Variants in VSTM2L observed in about 807,000 individuals in gnomAD.
VSTM2L encodes the protein V-set and transmembrane domain containing 2 like.
A neutral mutation model predicts 19.9 loss-of-function variants in VSTM2L; 9 were observed. That is an observed-to-expected ratio of 0.45 (90% CI 0.27 to 0.79). VSTM2L has a LOEUF of 0.79. Ranked by LOEUF, VSTM2L falls within the 30% of genes least tolerant of loss-of-function variation. VSTM2L has a pLI of 0.15. For missense variants in VSTM2L, 286 were observed against 295.5 expected, an observed-to-expected ratio of 0.97 and a Z score of 0.24; for synonymous variants, 127 against 133.8, an observed-to-expected ratio of 0.95 and a Z score of 0.35.
chr20:37,931,706 C>G lies in VSTM2L; in HGVS notation c.193C>G (p.Arg65Gly), dbSNP rs746668219. Reference protein sequence around the residue: ...GEDVEMACSFRGSGSPSYSLE... With the variant: ...GEDVEMACSFGGSGSPSYSLE... Reference sequence around the variant, plus strand: ...GGACGTGGAGATGGCCTGCTCCTTCCGCGGCAGCGGCTCCCCCTCCTACTC... The same window carrying G: ...GGACGTGGAGATGGCCTGCTCCTTCGGCGGCAGCGGCTCCCCCTCCTACTC... Residue 65 changes from arginine (R) to glycine (G), a missense_variant, in exon 2 of 4, where the codon CGC becomes GGC. By Grantham distance (125) the Arg-to-Gly change is moderately radical (BLOSUM62 -2). Transcript: ENST00000373461. 1.2e-6 allele frequency: 2 copies of G among 1,613,596 alleles called. No homozygotes were observed. The highest frequency in any genetic ancestry group is 1.3e-5 in the African/African-American group (1 of 74,946).
At chr20:37,935,944 G>C (rs2072937367) in intron 3 of VSTM2L, among the ~76,000 whole-genome samples, 1 of 151,266 alleles carries the variant, frequency 6.6e-6, no homozygotes, top group Non-Finnish European at 1.5e-5. Flanking sequence ...GAGTGCAGTG[G>C]CGAGATCTTG....
intron 1 of VSTM2L, among the ~76,000 whole-genome samples, chr20:37,919,243 C>T (rs2072836860): frequency 6.6e-6 from 1 of 152,232 alleles, no homozygotes; most frequent in South Asian, 2.1e-4. Context: ...TTACAAAATG[C>T]CTTCTTCTTG....
At chr20:37,914,346 C>CGT (rs1568835174) in intron 1 of VSTM2L, among the ~76,000 whole-genome samples, 7 of 1,478 alleles carry the variant, frequency 4.7e-3, no homozygotes, top group African/African-American at 6.1e-3. Context: ...TGTATGTGTG[C>CGT]ATGTGTGTGG....
intron 1 of VSTM2L, among the ~76,000 whole-genome samples, chr20:37,927,707 C>T (rs1030015868): frequency 2.6e-5 from 4 of 152,130 alleles, no homozygotes; most frequent in Non-Finnish European, 4.4e-5. Flanking sequence ...TTGGCAGGGG[C>T]GGGGGGGCCG....
intron 3 of VSTM2L, among the ~76,000 whole-genome samples, chr20:37,934,914 GT>G (rs907641491): frequency 5.1e-4 from 78 of 152,134 alleles, no homozygotes; most frequent in African/African-American, 1.8e-3. Flanking sequence ...CCAGCTCAGG[GT>G]GGCTGTGGGT....
intron 3 of VSTM2L, among the ~76,000 whole-genome samples, chr20:37,941,541 C>T (rs1007510860): frequency 7.2e-5 from 11 of 152,194 alleles, no homozygotes; most frequent in East Asian, 1.9e-4. Flanking sequence ...ATGCAGAGGG[C>T]GCACTTTCTC....
intron 1 of VSTM2L, among the ~76,000 whole-genome samples, chr20:37,907,671 A>C (rs572392021): frequency 6.0e-5 from 9 of 150,152 alleles, no homozygotes; most frequent in Non-Finnish European, 1.0e-4. Context: ...ACACACCCCT[A>C]CACACACACA....
intron 1 of VSTM2L, among the ~76,000 whole-genome samples, chr20:37,930,882 C>T (rs919183598): frequency 6.6e-6 from 1 of 152,176 alleles, no homozygotes; most frequent in Non-Finnish European, 1.5e-5. Flanking sequence ...GTGTCCCTGT[C>T]CTCCTGGAGC....
intron 3 of VSTM2L, among the ~76,000 whole-genome samples, chr20:37,941,455 C>T (rs2072971414): frequency 7.3e-6 from 1 of 136,988 alleles, no homozygotes; most frequent in East Asian, 2.7e-4. Context: ...GAGCCCTCCC[C>T]AGGGCAGATT....
chr20:37,917,748 GCA>G, intron 1 of VSTM2L, among the ~76,000 whole-genome samples: 1 of 152,346 alleles, frequency 6.6e-6, no homozygotes, highest in East Asian at 1.9e-4. Flanking sequence ...TGTGGGTAGA[GCA>G]CAGTCTGAGC....
At chr20:37,941,161 G>T (rs994672565) in intron 3 of VSTM2L, among the ~76,000 whole-genome samples, 4 of 152,164 alleles carry the variant, frequency 2.6e-5, no homozygotes, top group African/African-American at 9.7e-5. Flanking sequence ...CACTCACATG[G>T]ACAAAATAAA....
intron 3 of VSTM2L, among the ~76,000 whole-genome samples, chr20:37,936,711 A>G (rs2072942730): frequency 6.6e-6 from 1 of 152,176 alleles, no homozygotes; most frequent in Non-Finnish European, 1.5e-5. Context: ...CCAGGAGCTG[A>G]GTCCTGGTTC....
intron 1 of VSTM2L, among the ~76,000 whole-genome samples, chr20:37,905,763 G>T: frequency 6.6e-6 from 1 of 152,172 alleles, no homozygotes. Context: ...CCCCTCTGCC[G>T]TGCCAAGCAC....
At chr20:37,934,277 A>G (rs79363473) in intron 3 of VSTM2L, among the ~76,000 whole-genome samples, 2,502 of 152,130 alleles carry the variant, frequency 0.016, 177 homozygotes, top group Admixed American at 0.12. Flanking sequence ...TTTGTGAAGG[A>G]GGGGGCACCC....
At chr20:37,933,151 C>A (rs1364333149) in intron 2 of VSTM2L, among the ~76,000 whole-genome samples, 1 of 152,150 alleles carries the variant, frequency 6.6e-6, no homozygotes, top group Non-Finnish European at 1.5e-5. Flanking sequence ...ACATGGGTGA[C>A]ACACCTGAAG....
intron 3 of VSTM2L, among the ~76,000 whole-genome samples, chr20:37,935,890 T>C (rs1440226853): frequency 6.6e-6 from 1 of 151,470 alleles, no homozygotes; most frequent in Non-Finnish European, 1.5e-5. Flanking sequence ...ACAGATTTTT[T>C]TTTTTTTTTT....
intron 3 of VSTM2L, among the ~76,000 whole-genome samples, chr20:37,938,570 G>A (rs888211579): frequency 6.6e-6 from 1 of 152,230 alleles, no homozygotes; most frequent in East Asian, 1.9e-4. Flanking sequence ...AGCTGGCCTC[G>A]GAGTATCCCT....
At chr20:37,912,745 C>A (rs1029260218) in intron 1 of VSTM2L, among the ~76,000 whole-genome samples, 1 of 152,156 alleles carries the variant, frequency 6.6e-6, no homozygotes, top group Non-Finnish European at 1.5e-5. Context: ...AAGCTACCAG[C>A]GAGCAGGGCA....
Position 37,944,124 on chromosome 20 carries a change from G to T in VSTM2L, c.486G>T (p.Arg162=), listed in dbSNP as rs1467145922. 3 of 1,611,252 alleles carry T rather than the reference G, an allele frequency of 1.9e-6. No homozygotes were observed. The highest frequency in any genetic ancestry group is 1.7e-6 in the Non-Finnish European group (2 of 1,178,580). The stretch of plus-strand genomic sequence containing the variant: ...ACCACAAGGTCAAGGCCTACCTGCG[G>T]GTGCAGCCAGGGGAGAACTCCGTCC... ...ARHHKVKAYL[R]VQPGENSVLH... Residue 162 remains arginine, a synonymous_variant, in exon 4 of 4, where the codon CGG becomes CGT. Coordinates refer to ENST00000373461, the MANE Select transcript of VSTM2L (RefSeq NM_080607.3).
Sources: allele counts gnomAD v4.1 joint callset (sites outside exome capture counted in the v4.1 genomes callset), GRCh38; gene constraint gnomAD v4.1.1; transcripts MANE v1.5; gene names NCBI Gene and HGNC (gene_info 2026-07-23, HGNC 2026-07-21).